Variants in TENM2 observed in about 807,000 individuals in gnomAD.
TENM2 encodes the protein teneurin-2.
A neutral mutation model predicts 245.2 loss-of-function variants in TENM2; 52 were observed. The observed-to-expected ratio is 0.21, with a 90% confidence interval of 0.17 to 0.27. The LOEUF (loss-of-function observed/expected upper bound fraction) is 0.27, where lower values mean the gene tolerates loss of function less well. TENM2 is among the 10% of genes least tolerant of loss of function. TENM2 has a pLI of 1.00. For missense variants in TENM2, 3,046 were observed against 3,666.8 expected (o/e 0.83, Z 4.37); for synonymous variants, 1,363 against 1,438.9 (o/e 0.95, Z 1.19).
At chr5:167,081,939 C>G in the TENM2 span, among the ~76,000 whole-genome samples, 1 of 152,122 alleles carries the variant, frequency 6.6e-6, no homozygotes, top group South Asian at 2.1e-4. Context: ...AAGTGACTTG[C>G]CCAGGGTTGC....
At chr5:167,580,331 T>G (rs912606020) in intron 2 of TENM2, among the ~76,000 whole-genome samples, 1 of 152,230 alleles carries the variant, frequency 6.6e-6, no homozygotes, top group African/African-American at 2.4e-5. Flanking sequence ...GTCGACTGGA[T>G]AAATTTAAAT....
chr5:167,418,505 T>C (rs542018246), intron 2 of TENM2, among the ~76,000 whole-genome samples: 1 of 152,128 alleles, frequency 6.6e-6, no homozygotes, highest in African/African-American at 2.4e-5. Flanking sequence ...TGCAGGAAAA[T>C]TAGATTGTCT....
At chr5:168,188,579 A>G (rs903993265) in intron 13 of TENM2, among the ~76,000 whole-genome samples, 2 of 152,218 alleles carry the variant, frequency 1.3e-5, no homozygotes, top group African/African-American at 4.8e-5. Flanking sequence ...TGTGCTTGGT[A>G]CTAAGAGAGG....
chr5:167,142,306 T>A, the TENM2 span, among the ~76,000 whole-genome samples: 5 of 152,070 alleles, frequency 3.3e-5, no homozygotes. Flanking sequence ...CCTGTTTAGG[T>A]ACATCCTCAT....
At chr5:168,155,588 G>A (rs1757085802) in intron 12 of TENM2, among the ~76,000 whole-genome samples, 1 of 152,094 alleles carries the variant, frequency 6.6e-6, no homozygotes, top group Admixed American at 6.5e-5. Context: ...GTCATTGGGA[G>A]AATGAGAATT....
At chr5:168,203,540 A>C (rs1581623370) in intron 17 of TENM2, 149 bp from the exon 20 acceptor site, 4 of 691,884 alleles carry the variant, frequency 5.8e-6, no homozygotes, top group Non-Finnish European at 8.8e-6. Context: ...ACAAGGAGAA[A>C]AGCAATCAGC....
At chr5:168,047,097 C>G (rs1409113614) in intron 5 of TENM2, among the ~76,000 whole-genome samples, 1 of 152,104 alleles carries the variant, frequency 6.6e-6, no homozygotes, top group Non-Finnish European at 1.5e-5. Flanking sequence ...TGTGGTAGAG[C>G]AGCACTCTTT....
chr5:167,012,568 G>A, the TENM2 span, among the ~76,000 whole-genome samples: 1 of 152,036 alleles, frequency 6.6e-6, no homozygotes, highest in Non-Finnish European at 1.5e-5. Context: ...TCTGAGTAAT[G>A]AGATACAACC....
intron 2 of TENM2, among the ~76,000 whole-genome samples, chr5:167,825,575 G>A (rs1032461879): frequency 6.6e-5 from 10 of 152,188 alleles, no homozygotes; most frequent in South Asian, 2.1e-4. Context: ...CTCCTCTGGC[G>A]TGCACACACA....
intron 25 of TENM2, 33 bp downstream of exon 27, chr5:168,228,163 G>T (rs1031733297): frequency 6.6e-7 from 1 of 1,515,830 alleles, no homozygotes; most frequent in African/African-American, 1.4e-5. Context: ...TTACCACAGA[G>T]TGGGAGGGGA....
chr5:167,316,098 T>C (rs1756347252), intron 1 of TENM2, among the ~76,000 whole-genome samples: 1 of 152,218 alleles, frequency 6.6e-6, no homozygotes, highest in African/African-American at 2.4e-5. Context: ...CACTCCCTGT[T>C]CTTTTTTATC....
chr5:167,787,516 C>T (rs527797251), intron 2 of TENM2, among the ~76,000 whole-genome samples: 6 of 152,342 alleles, frequency 3.9e-5, no homozygotes, highest in Non-Finnish European at 8.8e-5. Context: ...TTTCCCTTCT[C>T]ACTTTGTTCA....
rs1344194367 is a variant in TENM2 at position 167,378,826 on chromosome 5, C to A, written c.502+3353C>A. On this transcript the variant is annotated intron_variant, in intron 2 of 28. Coordinates refer to ENST00000518659, the Ensembl canonical transcript of TENM2. ...AATCTTGTCTATGTTCTCTTGACTC[C>A]CTTAGGCGATTTCTTCACCTTGGGA... Among the ~76,000 whole-genome samples the A allele has an allele frequency of 2.6e-5, 4 of 151,152 alleles. No individual in the cohort carries two copies. In the East Asian group the frequency reaches 7.8e-4, roughly 29 times the overall value.
chr5:168,241,262 CT>C (rs11361504), intron 25 of TENM2: 59,595 of 146,828 alleles, frequency 0.41, 12,438 homozygotes, highest in South Asian at 0.52. Flanking sequence ...TCTTTTTGTT[CT>C]TTTTTTTTTT....
chr5:167,932,398 G>A (rs80050167), intron 3 of TENM2, among the ~76,000 whole-genome samples: 2,142 of 152,176 alleles, frequency 0.014, 25 homozygotes, highest in Non-Finnish European at 0.022. Context: ...TTACACACAT[G>A]TGTATGTGTG....
the TENM2 span, among the ~76,000 whole-genome samples, chr5:167,182,393 C>A: frequency 6.6e-6 from 1 of 152,058 alleles, no homozygotes; most frequent in South Asian, 2.1e-4. Context: ...TTAAAGCACA[C>A]TGTAATCCCA....
intron 2 of TENM2, among the ~76,000 whole-genome samples, chr5:167,476,651 T>C (rs1364710836): frequency 6.6e-6 from 1 of 152,154 alleles, no homozygotes; most frequent in Non-Finnish European, 1.5e-5. Context: ...CAGGCTGGGG[T>C]GCAATGGCAT....
At chr5:167,712,135 A>G (rs544472394) in intron 2 of TENM2, among the ~76,000 whole-genome samples, 1 of 152,160 alleles carries the variant, frequency 6.6e-6, no homozygotes, top group East Asian at 1.9e-4. Flanking sequence ...ACTCGATCTT[A>G]ATTAGCCCCC....
At chr5:167,539,241 G>A (rs945234255) in intron 2 of TENM2, among the ~76,000 whole-genome samples, 2 of 152,052 alleles carry the variant, frequency 1.3e-5, no homozygotes, top group Non-Finnish European at 2.9e-5. Context: ...AAATCAAAAT[G>A]TTACATTTTA....
Sources: allele counts gnomAD v4.1 joint callset (sites outside exome capture counted in the v4.1 genomes callset), GRCh38; gene constraint gnomAD v4.1.1; transcripts MANE v1.5; gene names NCBI Gene and HGNC (gene_info 2026-07-23, HGNC 2026-07-21).